Variants in GSTM5 observed in about 807,000 individuals in gnomAD.
GSTM5 encodes GST class-mu 5.
A neutral mutation model predicts 29.0 loss-of-function variants in GSTM5; 24 were observed. That is an observed-to-expected ratio of 0.83 (90% CI 0.60 to 1.16). GSTM5 has a LOEUF of 1.16. Among genes scored for constraint, GSTM5 ranks in the 50% most tolerant of loss-of-function variants. The probability of loss-of-function intolerance (pLI) is 0.00; values close to 1 mark genes in which losing one functional copy is unlikely to be tolerated. For synonymous variants in GSTM5, 91 were observed against 93.6 expected (o/e 0.97, Z 0.16); for missense variants, 290 against 263.0 (o/e 1.10, Z -0.71).
rs1164442858 is a variant in GSTM5, at chr1:109,712,701, C to A, written c.112+8C>A. The A allele has an allele frequency of 1.9e-6, 3 of 1,613,808 alleles. No homozygotes were observed. The highest frequency in any genetic ancestry group is 2.5e-6 in the Non-Finnish European group (3 of 1,179,782). ...AGTACACGCTGGGGGACGGTAATGGCACCCTCGTGTCCGGGCCCTGCCCAC... is the reference window on the plus strand; with the variant it reads ...AGTACACGCTGGGGGACGGTAATGGAACCCTCGTGTCCGGGCCCTGCCCAC... On this transcript the variant is annotated splice_region_variant and intron_variant, in intron 2 of 7. Coordinates refer to ENST00000256593, the MANE Select transcript of GSTM5 (RefSeq NM_000851.4).
Position 109,712,682 on chromosome 1 carries a change from C to T in GSTM5, c.101C>T (p.Thr34Met), listed in dbSNP as rs540779576. 6 of 1,614,142 alleles carry T rather than the reference C, an allele frequency of 3.7e-6. No individual in the cohort carries two copies. The East Asian group carries it at 1.1e-4, about 30-fold the overall frequency. Residue 34 changes from threonine (T) to methionine (M), a missense_variant, in exon 2 of 8, where the codon ACG becomes ATG. Thr to Met is a moderately conservative substitution (Grantham distance 81). Transcript: ENST00000256593. The part of the protein sequence containing the change: ...TDSSYVEKKY[T>M]LGDAPDYDRS... ...TCAAGCTATGTGGAAAAGAAGTACA[C>T]GCTGGGGGACGGTAATGGCACCCTC...
intron 7 of GSTM5, chr1:109,715,520 G>T: frequency 6.9e-7 from 1 of 1,453,290 alleles, no homozygotes; most frequent in East Asian, 2.5e-5. Context: ...TGGAGGCTGT[G>T]CTGGGCTCCC....
At chr1:109,716,630 G>C (rs1648756992) in intron 7 of GSTM5, 1 of 152,746 alleles carries the variant, frequency 6.5e-6, no homozygotes. Flanking sequence ...GCTTTAATGG[G>C]AATGATTAGA....
Position 109,713,157 on chromosome 1 carries a change from T to A in GSTM5, c.151T>A (p.Phe51Ile). 1 of 1,612,464 alleles carries A rather than the reference T, an allele frequency of 6.2e-7. No homozygotes were observed. The highest frequency in any genetic ancestry group is 8.5e-7 in the Non-Finnish European group (1 of 1,179,854). Residue 51 changes from phenylalanine (F) to isoleucine (I), a missense_variant, in exon 3 of 8, where the codon TTC becomes ATC. Coordinates refer to ENST00000256593, the MANE Select transcript of GSTM5 (RefSeq NM_000851.4). Reference protein sequence around the residue: ...YDRSQWLNEKFKLGLDFPNLP... With the variant: ...YDRSQWLNEKIKLGLDFPNLP... ...CAGAAGCCAGTGGCTGAATGAAAAA[T>A]TCAAGCTGGGCCTGGACTTTCCCAA...
chr1:109,716,013 C>G (rs1570652359), intron 7 of GSTM5: 2 of 790,638 alleles, frequency 2.5e-6, no homozygotes, highest in East Asian at 5.2e-5. Flanking sequence ...GTGTGAGGCA[C>G]AGTGGGAGTT....
chr1:109,713,284 C>A (rs1231670846), intron 3 of GSTM5, 101 bp downstream of exon 3: 3 of 1,542,832 alleles, frequency 1.9e-6, no homozygotes, highest in African/African-American at 2.7e-5. Flanking sequence ...GAGTCTTCTG[C>A]CCAATTCCTC....
chr1:109,712,237 G>C (rs1648542272), upstream of GSTM5: 1 of 1,510,292 alleles, frequency 6.6e-7, no homozygotes, highest in Non-Finnish European at 9.2e-7. Flanking sequence ...GGCCCCGCCT[G>C]TCCCCTCCTG....
chr1:109,715,441 T>C (rs1471878249), intron 7 of GSTM5: 19 of 1,536,966 alleles, frequency 1.2e-5, no homozygotes, highest in Non-Finnish European at 1.7e-5. Flanking sequence ...CAGAATTATC[T>C]TGCCCATTTT....
At chr1:109,715,850 T>C (rs766619061) in intron 7 of GSTM5, 25 of 479,858 alleles carry the variant, frequency 5.2e-5, no homozygotes, top group Admixed American at 9.6e-5. Context: ...GTTGAAGCAG[T>C]GTGTGTTGAA....
chr1:109,712,176 A>C (rs1648539060), upstream of GSTM5: 1 of 946,506 alleles, frequency 1.1e-6, no homozygotes, highest in Non-Finnish European at 1.7e-6. Flanking sequence ...GGGGGCCTAC[A>C]GAATGGCGTG....
At chr1:109,712,183 C>T (rs1648539395), upstream of GSTM5, 6 of 984,574 alleles carry the variant, frequency 6.1e-6, no homozygotes, top group South Asian at 3.8e-5. Flanking sequence ...TACAGAATGG[C>T]GTGTTTCGGG....
Position 109,717,483 on chromosome 1 carries a change from G to A in GSTM5, c.*57G>A, listed in dbSNP as rs931349459. On this transcript the variant is annotated 3_prime_UTR_variant, in exon 8 of 8. Transcript: ENST00000256593. ...AGCCAACCTTGCTGCCTGCGACCCT[G>A]GAGGACAGCCTGACTCCCTGGACCT... 1.6e-6 allele frequency: 2 copies of A among 1,231,792 alleles called. No individual in the cohort carries two copies. Among genetic ancestry groups the A allele is most frequent in the South Asian group, 2.4e-5 (2 of 83,452 alleles). The allele number at this position is 1,231,792 out of a possible 1,614,324, so 76.3% of individuals were successfully genotyped here.
intron 3 of GSTM5, 57 bp from the exon 4 acceptor site, chr1:109,713,427 G>A: frequency 6.2e-7 from 1 of 1,610,692 alleles, no homozygotes; most frequent in Non-Finnish European, 8.5e-7. Flanking sequence ...ATATGGGAAG[G>A]GGATGCTGGG....
At chr1:109,713,846 G>A in intron 5 of GSTM5, 85 bp downstream of exon 5, 1 of 916,316 alleles carries the variant, frequency 1.1e-6, no homozygotes, top group South Asian at 1.3e-5. Context: ...CAGGTCTGTA[G>A]CAGACTCCGG....
upstream of GSTM5, among the ~76,000 whole-genome samples, chr1:109,711,915 A>T (rs1200710180): frequency 1.5e-5 from 2 of 135,754 alleles, no homozygotes; most frequent in African/African-American, 4.9e-5. Context: ...AGGCTGAGGG[A>T]TTCTGCGGGC....
In GSTM5 at chr1:109,717,387, T is replaced by A; in HGVS notation, c.618T>A (p.Gly206=). 6.2e-7 allele frequency: 1 copy of A among 1,613,932 alleles called. No individual in the cohort carries two copies. The highest frequency in any genetic ancestry group is 1.7e-5 in the Admixed American group (1 of 60,008). Residue 206 remains glycine, a synonymous_variant, in exon 8 of 8, where the codon GGT becomes GGA. Transcript: ENST00000256593. ...TGAAGTCCAGCCAATTCCTCCGAGG[T>A]CTTTTGTTTGGAAAGTCAGCTACAT... is the stretch of plus-strand genomic sequence containing the variant. ...AYMKSSQFLR[G]LLFGKSATWN...
Position 109,713,445 on chromosome 1 carries a change from G to C in GSTM5, c.178-39G>C, listed in dbSNP as rs560822723. ...TGGGAAGGGGATGCTGGGGAGCCTG[G>C]TGGCCCAACTGAGCTTCCCCGGTTT... On this transcript the variant is annotated intron_variant, in intron 3 of 7. Transcript: ENST00000256593. The C allele has an allele frequency of 1.4e-4, 230 of 1,613,806 alleles. 1 individual carries two copies. Among genetic ancestry groups the C allele is most frequent in the East Asian group, 3.1e-4 (14 of 44,876 alleles).
upstream of GSTM5, chr1:109,712,183 C>A (rs1648539395): frequency 3.0e-6 from 3 of 984,692 alleles, no homozygotes; most frequent in South Asian, 2.5e-5. Flanking sequence ...TACAGAATGG[C>A]GTGTTTCGGG....
chr1:109,715,471 A>G, intron 7 of GSTM5: 1 of 1,510,810 alleles, frequency 6.6e-7, no homozygotes, highest in South Asian at 1.3e-5. Flanking sequence ...AAAACTGAGA[A>G]TGAGAGGGTC....
Sources: allele counts gnomAD v4.1 joint callset (sites outside exome capture counted in the v4.1 genomes callset), GRCh38; gene constraint gnomAD v4.1.1; transcripts MANE v1.5; gene names NCBI Gene and HGNC (gene_info 2026-07-23, HGNC 2026-07-21).